PRKG1: variants seen among roughly 807,000 people sequenced by gnomAD.
The protein encoded by PRKG1 is protein kinase cGMP-dependent 1, also known as cGMP-dependent protein kinase 1.
In PRKG1, 35 loss-of-function variants were observed where a neutral mutation model predicts 88.1. The observed-to-expected ratio is 0.40, with a 90% CI of 0.30 to 0.53. PRKG1 has a LOEUF of 0.53. Among genes scored for constraint, PRKG1 ranks in the 20% least tolerant of loss-of-function variants. PRKG1 has a pLI of 0.59. For missense variants in PRKG1, 540 were observed against 839.8 expected (o/e 0.64, Z 4.41); for synonymous variants, 303 against 292.5 (o/e 1.04, Z -0.37).
chr10:51,972,943 G>C (rs1444996665), intron 5 of PRKG1, among the ~76,000 whole-genome samples: 2 of 152,110 alleles, frequency 1.3e-5, no homozygotes, highest in African/African-American at 4.8e-5. Context: ...AGCCTCCCAG[G>C]AGCACAGACT....
At chr10:51,101,405 C>G (rs1238767716) in intron 1 of PRKG1, among the ~76,000 whole-genome samples, 1 of 152,148 alleles carries the variant, frequency 6.6e-6, no homozygotes, top group African/African-American at 2.4e-5. Flanking sequence ...GTGAGAAATA[C>G]ATCTCTGTTG....
intron 2 of PRKG1, among the ~76,000 whole-genome samples, chr10:51,168,024 A>G (rs561234679): frequency 5.9e-5 from 9 of 152,300 alleles, no homozygotes; most frequent in South Asian, 4.1e-4. Context: ...AACAGATTTC[A>G]TAGATATGGA....
Position 51,113,156 on chromosome 10 carries a change from A to G in PRKG1, c.311+38255A>G, listed in dbSNP as rs150099046. Among the ~76,000 whole-genome samples, 394 of 152,304 alleles carry G rather than the reference A, an allele frequency of 2.6e-3. 2 individuals carry two copies. Among genetic ancestry groups the G allele is most frequent in the African/African-American group, 9.0e-3 (373 of 41,580 alleles). ...TGCATCGCAATGTGCTGGAAAAAGC[A>G]TTTAGCTTTGTAGTAAAATAGACAT... On this transcript the variant is annotated intron_variant, in intron 1 of 17. Coordinates refer to ENST00000373980, the MANE Select transcript of PRKG1 (RefSeq NM_006258.4).
chr10:51,919,580 T>A (rs10823897), intron 5 of PRKG1, among the ~76,000 whole-genome samples: 57,688 of 151,598 alleles, frequency 0.38, 11,437 homozygotes, highest in Non-Finnish European at 0.41. Context: ...ACATTACAGA[T>A]GTTAATAATT....
At chr10:51,556,919 T>A (rs10762226) in intron 3 of PRKG1, among the ~76,000 whole-genome samples, 63,753 of 151,644 alleles carry the variant, frequency 0.42, 14,347 homozygotes, top group East Asian at 0.89. Flanking sequence ...AAAGCATTAA[T>A]TAACCATAAA....
At chr10:51,381,288 A>AAAAAAAAAG in intron 2 of PRKG1, among the ~76,000 whole-genome samples, 1 of 125,260 alleles carries the variant, frequency 8.0e-6, no homozygotes, top group African/African-American at 2.9e-5. Flanking sequence ...AAAAAAAAAA[A>AAAAAAAAAG]AAAAAAAAAA....
chr10:51,558,989 G>C (rs541098674), intron 3 of PRKG1, among the ~76,000 whole-genome samples: 7 of 152,134 alleles, frequency 4.6e-5, no homozygotes, highest in Admixed American at 3.9e-4. Context: ...TTTTGAGAGA[G>C]AAAAAGAGAA....
chr10:51,349,044 T>C (rs892919168), intron 2 of PRKG1, among the ~76,000 whole-genome samples: 7 of 152,288 alleles, frequency 4.6e-5, no homozygotes, highest in South Asian at 4.1e-4. Context: ...AAGTCAGACC[T>C]GGTGTGCCCA....
At chr10:51,988,642 T>A (rs1325538233) in intron 5 of PRKG1, among the ~76,000 whole-genome samples, 2 of 152,076 alleles carry the variant, frequency 1.3e-5, no homozygotes, top group African/African-American at 4.8e-5. Flanking sequence ...TATTCAGGTT[T>A]CTTCTTCTGT....
intron 2 of PRKG1, among the ~76,000 whole-genome samples, chr10:51,380,288 G>A (rs1402321160): frequency 1.3e-5 from 2 of 152,172 alleles, no homozygotes; most frequent in Non-Finnish European, 2.9e-5. Context: ...TTTGCGAGCT[G>A]ATTATCCATA....
chr10:51,795,571 T>A (rs1388607293), intron 3 of PRKG1, among the ~76,000 whole-genome samples: 1 of 152,104 alleles, frequency 6.6e-6, no homozygotes, highest in Non-Finnish European at 1.5e-5. Context: ...AACATATGCC[T>A]TAATAATGTT....
chr10:51,216,763 G>A (rs532253229), intron 2 of PRKG1, among the ~76,000 whole-genome samples: 37 of 152,244 alleles, frequency 2.4e-4, no homozygotes, highest in African/African-American at 7.5e-4. Flanking sequence ...GTATTCAAGT[G>A]GTATGGGTGT....
At chr10:51,236,606 G>A (rs929820254) in intron 2 of PRKG1, among the ~76,000 whole-genome samples, 2 of 151,602 alleles carry the variant, frequency 1.3e-5, no homozygotes, top group African/African-American at 4.9e-5. Flanking sequence ...AGGTTTAAGC[G>A]ATTCTCCTGG....
In PRKG1 at chr10:52,163,120, TACAATG is replaced by T. The variant is rs201544145; in HGVS notation, c.1076+1158_1076+1163del. Among the ~76,000 whole-genome samples, 322 of 141,710 alleles carry T rather than the reference TACAATG, an allele frequency of 2.3e-3. 1 individual carries two copies. Among genetic ancestry groups the T allele is most frequent in the Middle Eastern group, 3.6e-3 (1 of 280 alleles). The allele number at this position is 141,710 out of a possible 152,430, so 93.0% of individuals were successfully genotyped here. A position where few individuals can be genotyped will look rare whatever the true frequency, so the allele number is the denominator to read the frequency against. On this transcript the variant is annotated intron_variant, in intron 9 of 17. Coordinates refer to ENST00000373980, the MANE Select transcript of PRKG1 (RefSeq NM_006258.4). Reference sequence around the variant, plus strand: ...GGTACCTTATCAGTTTTTAAAGTTGTACAATGGCCTTTCTTATGGTTGGGTTCTATT... The same window carrying T: ...GGTACCTTATCAGTTTTTAAAGTTGTGCCTTTCTTATGGTTGGGTTCTATT...
intron 2 of PRKG1, among the ~76,000 whole-genome samples, chr10:51,292,483 TG>T (rs1554791080): frequency 6.6e-6 from 1 of 152,188 alleles, no homozygotes; most frequent in Non-Finnish European, 1.5e-5. Flanking sequence ...TTCACCTCAT[TG>T]CTATTTTGGG....
rs529245298 is a variant in PRKG1, at chr10:51,703,177, A to C, written c.593-101408A>C. On this transcript the variant is annotated intron_variant, in intron 3 of 17. Coordinates refer to ENST00000373980, the MANE Select transcript of PRKG1 (RefSeq NM_006258.4). ...AAAATATCATGCTTAGCTAATTCCAAATATCAAACCTTACATCAGAATACA... is the reference window on the plus strand; with the variant it reads ...AAAATATCATGCTTAGCTAATTCCACATATCAAACCTTACATCAGAATACA... 7.2e-5 allele frequency among the ~76,000 whole-genome samples: 11 copies of C among 152,338 alleles called. No individual in the cohort carries two copies. The South Asian group carries it at 1.9e-3, about 26-fold the overall frequency.
intron 3 of PRKG1, among the ~76,000 whole-genome samples, chr10:51,558,026 G>T (rs1001839517): frequency 2.6e-5 from 4 of 152,006 alleles, no homozygotes; most frequent in Non-Finnish European, 4.4e-5. Context: ...CTGTACATTT[G>T]TACTGAAAAT....
chr10:51,933,331 A>G (rs191562107), intron 5 of PRKG1, among the ~76,000 whole-genome samples: 2 of 152,182 alleles, frequency 1.3e-5, no homozygotes, highest in Non-Finnish European at 2.9e-5. Flanking sequence ...TATTGATTAC[A>G]CATGATAATG....
intron 2 of PRKG1, among the ~76,000 whole-genome samples, chr10:51,440,705 G>C (rs1359680712): frequency 1.3e-5 from 2 of 151,924 alleles, no homozygotes; most frequent in Non-Finnish European, 2.9e-5. Flanking sequence ...AAGCCAGAAG[G>C]TCAAATCATC....
Sources: allele counts gnomAD v4.1 joint callset (sites outside exome capture counted in the v4.1 genomes callset), GRCh38; gene constraint gnomAD v4.1.1; transcripts MANE v1.5; gene names NCBI Gene and HGNC (gene_info 2026-07-23, HGNC 2026-07-21).